Variants in APOL3 observed in about 807,000 individuals in gnomAD.
APOL3 encodes apolipoprotein L3.
Under a neutral mutation model 11.6 loss-of-function variants are expected in APOL3, and 14 were observed. The observed-to-expected ratio is 1.21, with a 90% CI of 0.80 to 1.89. APOL3 has a LOEUF of 1.89. APOL3 is among the 40% of genes most tolerant of loss of function. The pLI is 0.00. For missense variants in APOL3, 483 were observed against 492.1 expected, an observed-to-expected ratio of 0.98 and a Z score of 0.17; for synonymous variants, 192 against 190.6, an observed-to-expected ratio of 1.01 and a Z score of -0.06.
upstream of APOL3, chr22:36,164,976 T>A (rs756528027): frequency 2.6e-5 from 4 of 152,204 alleles, 1 homozygote; most frequent in Admixed American, 2.0e-4. Context: ...CTGTTGATAT[T>A]TGTCTTAACA....
At chr22:36,142,135 C>T (rs1474110112) in intron 2 of APOL3, 77 bp from the exon 4 acceptor site, 1 of 1,452,956 alleles carries the variant, frequency 6.9e-7, no homozygotes, top group Non-Finnish European at 9.2e-7. Flanking sequence ...ATCTGTTCTA[C>T]ATAAATCACA....
chr22:36,151,099 A>G (rs1258784602), intron 1 of APOL3, among the ~76,000 whole-genome samples: 1 of 151,870 alleles, frequency 6.6e-6, no homozygotes, highest in Non-Finnish European at 1.5e-5. Flanking sequence ...CCCACGACCC[A>G]TACAGGATTC....
chr22:36,140,799 CT>C (rs2059957477), exon 3 of APOL3: 1 of 169,218 alleles, frequency 5.9e-6, no homozygotes, highest in South Asian at 1.7e-4. Context: ...AGTGGAGCCG[CT>C]GTTTCTTCTG....
chr22:36,165,331 T>C (rs559875264), upstream of APOL3: 3 of 152,278 alleles, frequency 2.0e-5, no homozygotes, highest in African/African-American at 7.2e-5. Context: ...TCTTATGAAA[T>C]TGATGAGCTT....
chr22:36,149,166 T>C (rs1341137392), intron 1 of APOL3, 24 bp from the exon 2 acceptor site: 1 of 1,352,918 alleles, frequency 7.4e-7, no homozygotes, highest in African/African-American at 1.5e-5. Flanking sequence ...AAGCAAATTG[T>C]GGGACTGAAT....
At chr22:36,142,172 A>C in intron 2 of APOL3, 114 bp from the exon 4 acceptor site, 1 of 1,216,084 alleles carries the variant, frequency 8.2e-7, no homozygotes, top group South Asian at 1.9e-5. Context: ...TCAAATGGAA[A>C]TAAAGCTTTA....
chr22:36,142,138 A>C (rs1194012927), intron 2 of APOL3, 80 bp from the exon 4 acceptor site: 27 of 1,432,032 alleles, frequency 1.9e-5, no homozygotes, highest in South Asian at 3.0e-5. Context: ...TGTTCTACAT[A>C]AATCACAGAG....
rs144061906 is a variant in APOL3 at position 36,141,554 on chromosome 22, G to A, written c.855C>T (p.Tyr285=). ...CACTCCCAATGGTTTGTGTGGCTTC[G>A]TAATAATTATTAAGAAGGGAAAGTA... Residue 285 remains tyrosine (Y), a synonymous_variant, in exon 3 of 3, where the codon TAC becomes TAT. Transcript: ENST00000349314. 204 of 1,614,046 alleles carry A rather than the reference G, an allele frequency of 1.3e-4. 1 individual carries two copies. The African/African-American group carries it at 1.7e-3, about 13-fold the overall frequency.
At chr22:36,157,395 A>G (rs2013075317) in intron 1 of APOL3, among the ~76,000 whole-genome samples, 1 of 152,238 alleles carries the variant, frequency 6.6e-6, no homozygotes, top group Admixed American at 6.5e-5. Context: ...GTAGGTACCC[A>G]TGAAATAGGT....
intron 2 of APOL3, 114 bp downstream of exon 3, chr22:36,145,359 A>T: frequency 1.5e-6 from 2 of 1,346,478 alleles, no homozygotes; most frequent in Non-Finnish European, 2.0e-6. Flanking sequence ...GACATTCTCA[A>T]GTTCAGCAGA....
Position 36,160,759 on chromosome 22 carries a change from C to T in APOL3, c.133G>A (p.Gly45Ser). The T allele has an allele frequency of 1.2e-6, 2 of 1,614,152 alleles. No individual in the cohort carries two copies. Among genetic ancestry groups the T allele is most frequent in the Non-Finnish European group, 1.7e-6 (2 of 1,180,028 alleles). The change falls in exon 1 of 3, where the codon GGT becomes AGT. Residue 45 changes from glycine to serine, a missense_variant. Gly to Ser is a moderately conservative substitution (Grantham distance 56, BLOSUM62 0). Transcript: ENST00000349314. ...TCCAGCCGTGCATCTGCATAATAAC[C>T]AGACACGTTCTCCAGGCTCTGAGAT...
rs559412045 is a variant in APOL3, at chr22:36,157,163, C to T, written c.223+3506G>A. 4.5e-4 allele frequency among the ~76,000 whole-genome samples: 69 copies of T among 152,264 alleles called. No homozygotes were observed. In the Middle Eastern group the frequency reaches 0.01, roughly 23 times the overall value. Reference sequence around the variant, plus strand: ...GAAAAAAGAAATTTCTAAAAACACGCGAGCCAGCTAACCTCTGAATCATAG... The same window carrying T: ...GAAAAAAGAAATTTCTAAAAACACGTGAGCCAGCTAACCTCTGAATCATAG... On this transcript the variant is annotated intron_variant, in intron 1 of 2. Transcript: ENST00000349314.
rs1458579509 is a variant in APOL3 at position 36,141,734 on chromosome 22, C to G, written c.675G>C (p.Gly225=). 2.5e-6 allele frequency: 4 copies of G among 1,613,924 alleles called. No individual in the cohort carries two copies. In the African/African-American group the frequency reaches 5.3e-5, roughly 22 times the overall value. Residue 225 remains glycine, a synonymous_variant, in exon 3 of 3, where the codon GGG becomes GGC. Coordinates refer to ENST00000349314, the Ensembl canonical transcript of APOL3. ...CAGTCACAGCAGACGCTGCTCCCAG[C>G]CCTACCCCAGCTGCAGTAAGGGCCA...
chr22:36,145,417 G>A, intron 2 of APOL3, 56 bp downstream of exon 3: 2 of 1,596,918 alleles, frequency 1.3e-6, no homozygotes, highest in South Asian at 2.3e-5. Flanking sequence ...CTAGCCCAGG[G>A]GAGATCAGGA....
chr22:36,145,675 G>A (rs375370542), intron 1 of APOL3, 76 bp from the exon 3 acceptor site: 49 of 1,565,098 alleles, frequency 3.1e-5, no homozygotes, highest in Middle Eastern at 2.3e-4. Flanking sequence ...AAGGTGGTTC[G>A]AGGTTAATCC....
intron 1 of APOL3, chr22:36,150,065 G>A: frequency 2.7e-6 from 1 of 369,994 alleles, no homozygotes; most frequent in Non-Finnish European, 5.4e-6. Context: ...TCCTGCCTGA[G>A]CCCCCCAAAG....
chr22:36,145,489 C>T (rs1238020520), exon 2 of APOL3: 1 of 1,613,966 alleles, frequency 6.2e-7, no homozygotes, highest in African/African-American at 1.3e-5. Flanking sequence ...AATTCAGCCG[C>T]AGTCACGAAT....
upstream of APOL3, among the ~76,000 whole-genome samples, chr22:36,162,885 ATATTTTGCTAAAATGCT>A (rs2013769729): frequency 6.6e-6 from 1 of 152,180 alleles, no homozygotes; most frequent in African/African-American, 2.4e-5. Context: ...GAACTGAAAC[ATATTTTGCTAAAATGCT>A]TCCTTTCGCT....
At chr22:36,151,630 A>G (rs2011682470) in intron 1 of APOL3, among the ~76,000 whole-genome samples, 1 of 152,234 alleles carries the variant, frequency 6.6e-6, no homozygotes, top group African/African-American at 2.4e-5. Flanking sequence ...GATATAGAAT[A>G]AGAAAGTTAC....
Sources: gnomAD v4.1 joint callset for allele counts (sites outside exome capture counted in the v4.1 genomes callset) on GRCh38, gnomAD v4.1.1 for gene constraint, MANE v1.5 for transcripts, NCBI Gene and HGNC (gene_info 2026-07-23, HGNC 2026-07-21) for gene names.